The following ENPP7 variants were observed in gnomAD, a reference collection of about 807,000 sequenced individuals.
The protein encoded by ENPP7 is ectonucleotide pyrophosphatase/phosphodiesterase family member 7.
ENPP7 carries 39 observed loss-of-function variants against 33.6 expected under a neutral mutation model. That is an observed-to-expected ratio of 1.16 (90% CI 0.90 to 1.52). The LOEUF is 1.52. Among genes scored for constraint, ENPP7 ranks in the 40% most tolerant of loss-of-function variants. The pLI is 0.00. For synonymous variants in ENPP7, 244 were observed against 274.3 expected, an observed-to-expected ratio of 0.89 and a Z score of 1.09; for missense variants, 594 against 641.0, an observed-to-expected ratio of 0.93 and a Z score of 0.79.
intron 3 of ENPP7, 49 bp from the exon 4 acceptor site, chr17:79,736,992 G>T (rs782369589): frequency 4.6e-6 from 7 of 1,538,142 alleles, no homozygotes; most frequent in Middle Eastern, 1.7e-4. Context: ...GGCGGAGAGG[G>T]TCTGTTGCTC....
rs782153135 is a variant in ENPP7, at chr17:79,731,184, C to G, written c.45C>G (p.Leu15=). The G allele has an allele frequency of 1.9e-6, 3 of 1,611,386 alleles. No homozygotes were observed. Among genetic ancestry groups the G allele is most frequent in the Non-Finnish European group, 2.5e-6 (3 of 1,179,752 alleles). Residue 15 remains leucine, a synonymous_variant, in exon 1 of 6, where the codon CTC becomes CTG. Coordinates refer to ENST00000328313, the MANE Select transcript of ENPP7 (RefSeq NM_178543.5). ...AVLLTVALAT[L]LAPGAGAPVQ... is the part of the protein sequence containing the mutation. ...TCCTCACTGTGGCTCTGGCCACGCTCCTGGCTCCCGGGGCCGGAGCACCGG... is the reference window on the plus strand; with the variant it reads ...TCCTCACTGTGGCTCTGGCCACGCTGCTGGCTCCCGGGGCCGGAGCACCGG...
At chr17:79,732,682 C>T (rs1336251250) in intron 1 of ENPP7, among the ~76,000 whole-genome samples, 1 of 152,214 alleles carries the variant, frequency 6.6e-6, no homozygotes, top group Non-Finnish European at 1.5e-5. Flanking sequence ...TGTATTCAAA[C>T]TTTCCTCTTC....
chr17:79,735,364 CT>C lies in ENPP7; in HGVS notation c.722del (p.Leu241ArgfsTer9). On this transcript the variant is annotated frameshift_variant, in exon 3 of 6. Coordinates refer to ENST00000328313, the MANE Select transcript of ENPP7 (RefSeq NM_178543.5). LOFTEE classifies it high-confidence loss of function. This position sits in a 1 kb window ranked among gnomAD's most constrained non-coding sequence, Gnocchi z 5.5. ...ARNHLTDRLN[L>X]IITSDHGMTT... Reference sequence around the variant, plus strand: ...CAACCACCTCACAGACCGCCTCAACCTGATCATCACATCCGACCACGGCATG... The same window carrying C: ...CAACCACCTCACAGACCGCCTCAACCGATCATCACATCCGACCACGGCATG... 1.2e-6 allele frequency: 2 copies of C among 1,613,994 alleles called. No homozygotes were observed. Among genetic ancestry groups the C allele is most frequent in the South Asian group, 2.2e-5 (2 of 91,092 alleles).
Position 79,735,425 on chromosome 17 carries a change from A to T in ENPP7, c.782A>T (p.Glu261Val). 1 of 1,614,058 alleles carries T rather than the reference A, an allele frequency of 6.2e-7. No individual in the cohort carries two copies. The highest frequency in any genetic ancestry group is 1.1e-5 in the South Asian group (1 of 91,080). The change falls in exon 3 of 6, where the codon GAA (glutamate) becomes GTA (valine). Residue 261 changes from glutamate to valine, a missense_variant. This residue lies in a region of ENPP7 where 504 missense variants were observed against 512.8 expected (regional missense o/e 0.98). Coordinates refer to ENST00000328313, the MANE Select transcript of ENPP7 (RefSeq NM_178543.5). The surrounding 1 kb of genome is among the most constrained non-coding windows in gnomAD (Gnocchi z 5.5). ...TVDKRAGDLV[E>V]FHKFPNFTFR... Reference sequence around the variant, plus strand: ...GACAAACGGGCTGGCGACCTGGTTGAATTCCACAAGTTCCCCAACTTCACC... The same window carrying T: ...GACAAACGGGCTGGCGACCTGGTTGTATTCCACAAGTTCCCCAACTTCACC...
At chr17:79,732,149 T>TACACAC (rs67146650) in intron 1 of ENPP7, among the ~76,000 whole-genome samples, 1 of 34,132 alleles carries the variant, frequency 2.9e-5, no homozygotes, top group African/African-American at 1.0e-4. Context: ...TATATATATA[T>TACACAC]ACACACACAT....
rs1213785958 is a variant in ENPP7, at chr17:79,737,791, C to A, written c.1247-125C>A. 7 of 1,061,694 alleles carry A rather than the reference C, an allele frequency of 6.6e-6. No individual in the cohort carries two copies. Among genetic ancestry groups the A allele is most frequent in the Non-Finnish European group, 9.9e-6 (7 of 709,922 alleles). 65.8% of individuals were successfully genotyped at this position (1,061,694 alleles called of 1,614,324 possible). A position where few individuals can be genotyped will look rare whatever the true frequency, so the allele number is the denominator to read the frequency against. On this transcript the variant is annotated intron_variant, in intron 4 of 5. Coordinates refer to ENST00000328313, the MANE Select transcript of ENPP7 (RefSeq NM_178543.5). The surrounding 1 kb of genome is among the most constrained non-coding windows in gnomAD (Gnocchi z 5.5). ...CCGTGGTGGACAAAGGCCATGGGAC[C>A]AAGGGGGCGGTGAAAGAGGAAGGAG...
intron 1 of ENPP7, 146 bp from the exon 2 acceptor site, chr17:79,733,362 T>A: frequency 2.6e-6 from 2 of 774,560 alleles, no homozygotes; most frequent in Non-Finnish European, 4.3e-6. Context: ...GGAAGTCTGC[T>A]CCCCCCAGCC....
chr17:79,734,363 G>A (rs1483828003), intron 2 of ENPP7, among the ~76,000 whole-genome samples: 3 of 152,160 alleles, frequency 2.0e-5, no homozygotes, highest in Non-Finnish European at 2.9e-5. Context: ...TGAGCAGGAA[G>A]CCAAGGTAGA....
At chr17:79,731,733 C>T (rs1312789054) in intron 1 of ENPP7, among the ~76,000 whole-genome samples, 1 of 151,948 alleles carries the variant, frequency 6.6e-6, no homozygotes, top group Non-Finnish European at 1.5e-5. Flanking sequence ...TCCATCCTTT[C>T]CATTTTCCAC....
Position 79,735,366 on chromosome 17 carries a change from GATC to G in ENPP7, c.728_730del (p.Ile243del). 6.2e-7 allele frequency: 1 copy of G among 1,614,022 alleles called. No individual in the cohort carries two copies. Among genetic ancestry groups the G allele is most frequent in the Non-Finnish European group, 8.5e-7 (1 of 1,180,034 alleles). On this transcript the variant is annotated inframe_deletion, in exon 3 of 6. Transcript: ENST00000328313. This position sits in a 1 kb window ranked among gnomAD's most constrained non-coding sequence, Gnocchi z 5.5. Reference sequence around the variant, plus strand: ...ACCACCTCACAGACCGCCTCAACCTGATCATCACATCCGACCACGGCATGACGA... The same window carrying G: ...ACCACCTCACAGACCGCCTCAACCTGATCACATCCGACCACGGCATGACGA...
Position 79,730,976 on chromosome 17 carries a change from A to T in ENPP7, c.-164A>T, listed in dbSNP as rs1240993894. 5.7e-6 allele frequency: 4 copies of T among 699,322 alleles called. No individual in the cohort carries two copies. The highest frequency in any genetic ancestry group is 5.4e-5 in the African/African-American group (3 of 55,458). 43.3% of individuals were successfully genotyped at this position (699,322 alleles called of 1,614,324 possible). On this transcript the variant is annotated 5_prime_UTR_variant, in exon 1 of 6. Transcript: ENST00000328313. ...GAGGCTGGGACCAGGGGTGGCACTG[A>T]CACGGCTGGGGAGCCCACTCCCGAG...
At chr17:79,732,132 G>GTGTATA (rs1555822665) in intron 1 of ENPP7, among the ~76,000 whole-genome samples, 50 of 48,388 alleles carry the variant, frequency 1.0e-3, no homozygotes, top group African/African-American at 4.1e-3. Context: ...ATATATATAT[G>GTGTATA]TATATATATA....
Position 79,742,002 on chromosome 17 carries a change from A to G in ENPP7, c.*225A>G, listed in dbSNP as rs1481063013. 1.1e-6 allele frequency: 1 copy of G among 948,712 alleles called. No homozygotes were observed. Among genetic ancestry groups the G allele is most frequent in the Non-Finnish European group, 1.3e-6 (1 of 795,454 alleles). 58.8% of individuals were successfully genotyped at this position (948,712 alleles called of 1,614,324 possible). A position where few individuals can be genotyped will look rare whatever the true frequency, so the allele number is the denominator to read the frequency against. On this transcript the variant is annotated 3_prime_UTR_variant, in exon 6 of 6. Transcript: ENST00000328313. ...AGAGCCCCCGGCGAGCCGGTCCCAT[A>G]ACCGGCCCCCTGCCCCTGCCCCTGC...
chr17:79,736,878 T>C lies in ENPP7; in HGVS notation c.1027-163T>C, dbSNP rs547401866. The stretch of plus-strand genomic sequence containing the variant: ...CCTGAACTTCACTCTTTAGGGTGAC[T>C]GATCTTTGGAGGCTCAGAATTCGGG... On this transcript the variant is annotated intron_variant, in intron 3 of 5. Transcript: ENST00000328313. 2.0e-5 allele frequency among the ~76,000 whole-genome samples: 3 copies of C among 152,304 alleles called. No individual in the cohort carries two copies. The East Asian group carries it at 5.8e-4, about 29-fold the overall frequency.
In ENPP7 at chr17:79,739,693, C is replaced by CACG. The variant is rs2094302161; in HGVS notation, c.*16+1631_*16+1632insACG. 2 of 152,296 alleles carry CACG rather than the reference C, an allele frequency of 1.3e-5. No homozygotes were observed. The highest frequency in any genetic ancestry group is 1.3e-4 in the Admixed American group (2 of 15,284). The allele number at this position is 152,296 out of a possible 1,614,324, so 9.4% of individuals were successfully genotyped here. ...GCGACGCGGCCACGTGCAGCTGTTC[C>CACG]TGGGCACAGGTTGTGCAGATGAGTC... is the stretch of plus-strand genomic sequence containing the variant. On this transcript the variant is annotated intron_variant, in intron 5 of 5. Transcript: ENST00000328313. This position sits in a 1 kb window ranked among gnomAD's most constrained non-coding sequence, Gnocchi z 4.4.
rs1330178902 is a variant in ENPP7, at chr17:79,737,448, C to G, written c.1246+188C>G. The stretch of plus-strand genomic sequence containing the variant: ...CCTCTCACGAGCACCTCATGCATCT[C>G]GGGCGGCACGAGAGGGCGAGGGGGA... On this transcript the variant is annotated intron_variant, in intron 4 of 5. Coordinates refer to ENST00000328313, the MANE Select transcript of ENPP7 (RefSeq NM_178543.5). This position sits in a 1 kb window ranked among gnomAD's most constrained non-coding sequence, Gnocchi z 5.5. Among the ~76,000 whole-genome samples the G allele has an allele frequency of 6.6e-6, 1 of 152,208 alleles. No individual in the cohort carries two copies. Among genetic ancestry groups the G allele is most frequent in the East Asian group, 1.9e-4 (1 of 5,182 alleles).
In ENPP7 at chr17:79,737,140, G is replaced by T. The variant is rs2094297337; in HGVS notation, c.1126G>T (p.Gly376Cys). 1 of 1,613,996 alleles carries T rather than the reference G, an allele frequency of 6.2e-7. No individual in the cohort carries two copies. Among genetic ancestry groups the T allele is most frequent in the African/African-American group, 1.3e-5 (1 of 74,944 alleles). Residue 376 changes from glycine to cysteine, a missense_variant, in exon 4 of 6, where the codon GGC (glycine) becomes TGC (cysteine). Gly to Cys is a radical substitution (Grantham distance 159). Around this residue, in one of 3 missense-constraint regions of ENPP7, gnomAD observed 504 missense variants for 512.8 expected, o/e 0.98. Coordinates refer to ENST00000328313, the MANE Select transcript of ENPP7 (RefSeq NM_178543.5). This position sits in a 1 kb window ranked among gnomAD's most constrained non-coding sequence, Gnocchi z 5.5. ...CGCTGTGGGCCCTAGCTTCAGGGCG[G>T]GCCTGGAGGTGGAGCCCTTTGAGAG... ...FRAVGPSFRA[G>C]LEVEPFESVH...
In ENPP7 at chr17:79,731,243, T is replaced by G. The variant is rs1555822435; in HGVS notation, c.104T>G (p.Leu35Arg). 1.2e-6 allele frequency: 2 copies of G among 1,613,492 alleles called. No homozygotes were observed. Among genetic ancestry groups the G allele is most frequent in the Non-Finnish European group, 1.7e-6 (2 of 1,179,976 alleles). Reference sequence around the variant, plus strand: ...CAGGGCTCCCAGAACAAGCTGCTCCTGGTGTCCTTCGACGGCTTCCGCTGG... The same window carrying G: ...CAGGGCTCCCAGAACAAGCTGCTCCGGGTGTCCTTCGACGGCTTCCGCTGG... ...QSQGSQNKLLLVSFDGFRWNY... is the reference protein window; with the variant it reads ...QSQGSQNKLLRVSFDGFRWNY... Residue 35 changes from leucine to arginine, a missense_variant, in exon 1 of 6, where the codon CTG becomes CGG. Leu to Arg is a moderately radical substitution (Grantham distance 102). Transcript: ENST00000328313.
At position 79,739,616 on chromosome 17, in the gene ENPP7, C is replaced by CGGG; in HGVS notation, c.*16+1554_*16+1555insGGG. On this transcript the variant is annotated intron_variant, in intron 5 of 5. Transcript: ENST00000328313. This position sits in a 1 kb window ranked among gnomAD's most constrained non-coding sequence, Gnocchi z 4.4. ...TGCTGACATGCTAAACTGTTGGGGA[C>CGGG]AGGAGTCGGGGGGGCCGAGACTTGT... 1 of 152,426 alleles carries CGGG rather than the reference C, an allele frequency of 6.6e-6. No individual in the cohort carries two copies. Among genetic ancestry groups the CGGG allele is most frequent in the Non-Finnish European group, 1.5e-5 (1 of 68,120 alleles). 9.4% of individuals were successfully genotyped at this position (152,426 alleles called of 1,614,324 possible).
Sources: allele counts gnomAD v4.1 joint callset (sites outside exome capture counted in the v4.1 genomes callset), GRCh38; gene constraint gnomAD v4.1.1; regional missense constraint gnomAD v4.1.1; non-coding constraint Gnocchi (gnomAD v3.1); transcripts MANE v1.5; gene names NCBI Gene and HGNC (gene_info 2026-07-23, HGNC 2026-07-21).